The following ARID3C variants were observed in gnomAD, a reference collection of about 807,000 sequenced individuals.
ARID3C encodes AT-rich interactive domain-containing protein 3C.
In ARID3C, 42 loss-of-function variants were observed where a neutral mutation model predicts 37.9. The ratio of observed to expected loss-of-function variants is 1.11; its 90% CI spans 0.87 to 1.43. The LOEUF is 1.43. Among genes scored for constraint, ARID3C ranks in the 40% most tolerant of loss-of-function variants. The pLI is 0.00. For missense variants in ARID3C, 581 were observed against 548.8 expected, an observed-to-expected ratio of 1.06 and a Z score of -0.59; for synonymous variants, 213 against 228.0, an observed-to-expected ratio of 0.93 and a Z score of 0.59.
upstream of ARID3C, among the ~76,000 whole-genome samples, chr9:34,630,155 C>T (rs916926691): frequency 7.2e-5 from 11 of 152,168 alleles, no homozygotes; most frequent in Admixed American, 2.6e-4. Context: ...ACCGGCACTT[C>T]GCCCATGTTC....
At chr9:34,629,046 T>G (rs1224514078), upstream of ARID3C, among the ~76,000 whole-genome samples, 1 of 150,442 alleles carries the variant, frequency 6.6e-6, no homozygotes, top group Non-Finnish European at 1.5e-5. Context: ...CTCTGGCGGC[T>G]GTGCGCTCAC....
upstream of ARID3C, among the ~76,000 whole-genome samples, chr9:34,629,982 C>T (rs138907277): frequency 9.9e-3 from 1,499 of 152,148 alleles, 22 homozygotes; most frequent in African/African-American, 0.033. Flanking sequence ...AGGCTGGTCT[C>T]GAACTCCTGA....
At chr9:34,627,659 T>A in intron 1 of ARID3C, 38 bp downstream of exon 2, 1 of 1,537,488 alleles carries the variant, frequency 6.5e-7, no homozygotes, top group Non-Finnish European at 8.8e-7. Flanking sequence ...AAGAGAGAGA[T>A]AGGGAAGAGG....
At position 34,624,396 on chromosome 9, in the gene ARID3C, C is replaced by A. The variant is rs111573992; in HGVS notation, c.392-349G>T. Among the ~76,000 whole-genome samples the A allele has an allele frequency of 5.3e-4, 80 of 152,350 alleles. 1 individual carries two copies. Among genetic ancestry groups the A allele is most frequent in the African/African-American group, 1.9e-3 (80 of 41,576 alleles). ...ATTTCACCAGTCTGGAGATGTTATTCATCTTTAAATTTTGTCCCCCAACTA... is the reference window on the plus strand; with the variant it reads ...ATTTCACCAGTCTGGAGATGTTATTAATCTTTAAATTTTGTCCCCCAACTA... On this transcript the variant is annotated intron_variant, in intron 2 of 6. Transcript: ENST00000378909.
upstream of ARID3C, among the ~76,000 whole-genome samples, chr9:34,629,227 G>T (rs1206261641): frequency 6.6e-6 from 1 of 152,162 alleles, no homozygotes; most frequent in East Asian, 1.9e-4. Context: ...AGCTGCGGGG[G>T]AATCGTGCGA....
exon 1 of ARID3C, chr9:34,627,845 T>C (rs761685541): frequency 6.2e-7 from 1 of 1,604,696 alleles, no homozygotes; most frequent in South Asian, 1.1e-5. Context: ...CTCATCTTCT[T>C]CAGCATCTTC....
chr9:34,623,491 G>A lies in ARID3C; in HGVS notation c.799C>T (p.Gln267Ter), dbSNP rs757750881. 3 of 1,546,060 alleles carry A rather than the reference G, an allele frequency of 1.9e-6. No individual in the cohort carries two copies. Among genetic ancestry groups the A allele is most frequent in the Non-Finnish European group, 2.6e-6 (3 of 1,150,282 alleles). ...GCTGGCAGGCCGGAGGTGGAACCCT[G>A]GGCTGGGCCAGGGCTGGACTGGGTC... Residue 267 changes from glutamine (Q) to a stop codon, truncating the protein, a stop_gained, in exon 4 of 7, where the codon CAG (glutamine) becomes TAG (stop). Transcript: ENST00000378909. LOFTEE classifies it high-confidence loss of function.
chr9:34,623,901 TG>T lies in ARID3C; in HGVS notation c.537del (p.Thr180ProfsTer15). 6.3e-7 allele frequency: 1 copy of T among 1,597,330 alleles called. No individual in the cohort carries two copies. The highest frequency in any genetic ancestry group is 8.5e-7 in the Non-Finnish European group (1 of 1,176,422). Reference sequence around the variant, plus strand: ...GTGAAGGCGGCCGAGGTGATGGTGGTGGGTAGGCTGAGGCCGCGCGTGACTT... The same window carrying T: ...GTGAAGGCGGCCGAGGTGATGGTGGTGGTAGGCTGAGGCCGCGCGTGACTT... On this transcript the variant is annotated frameshift_variant, in exon 3 of 7. Coordinates refer to ENST00000378909, the Ensembl canonical transcript of ARID3C. LOFTEE classifies it high-confidence loss of function.
intron 1 of ARID3C, among the ~76,000 whole-genome samples, chr9:34,626,714 G>T (rs915159947): frequency 6.6e-6 from 1 of 152,040 alleles, no homozygotes; most frequent in Non-Finnish European, 1.5e-5. Context: ...CAAAAATTGA[G>T]CCCTAAGTCT....
Position 34,625,725 on chromosome 9 carries a change from C to A in ARID3C, c.391+17G>T. ...GGGGGCAATTCCAGGGCCCTTCCCC[C>A]ACATCATGCCACTCACCCCTCTTTT... On this transcript the variant is annotated intron_variant, in intron 2 of 6. Coordinates refer to ENST00000378909, the Ensembl canonical transcript of ARID3C. The A allele has an allele frequency of 6.2e-7, 1 of 1,613,646 alleles. No homozygotes were observed. The highest frequency in any genetic ancestry group is 2.2e-5 in the East Asian group (1 of 44,872).
At position 34,627,802 on chromosome 9, in the gene ARID3C, C is replaced by T. The variant is rs148061924; in HGVS notation, c.213G>A (p.Glu71=). ...CCCCTGGACGGCTCTCCTCAGCTGCCTCCTCCTCTGCCCCGGCTTCCTCCC... is the reference window on the plus strand; with the variant it reads ...CCCCTGGACGGCTCTCCTCAGCTGCTTCCTCCTCTGCCCCGGCTTCCTCCC... The change falls in exon 1 of 7, where the codon GAG becomes GAA. Residue 71 remains glutamate, a synonymous_variant. Coordinates refer to ENST00000378909, the Ensembl canonical transcript of ARID3C. 3.1e-4 allele frequency: 495 copies of T among 1,613,990 alleles called. 1 individual carries two copies. The African/African-American group carries it at 4.7e-3, about 15-fold the overall frequency.
upstream of ARID3C, among the ~76,000 whole-genome samples, chr9:34,629,729 TTTTC>T (rs1357563133): frequency 1.3e-5 from 2 of 152,126 alleles, no homozygotes; most frequent in African/African-American, 4.8e-5. Context: ...ATTATGGAAA[TTTTC>T]TTTTCTTTTC....
chr9:34,621,399 A>AG (rs1820555141), exon 7 of ARID3C: 1 of 1,202,554 alleles, frequency 8.3e-7, no homozygotes. Context: ...GAATCAAAGC[A>AG]GGGGGTCTCC....
rs371458930 is a variant in ARID3C at position 34,624,197 on chromosome 9, CAAG to C, written c.392-153_392-151del. 2,018 of 941,078 alleles carry C rather than the reference CAAG, an allele frequency of 2.1e-3. 55 individuals are homozygous for C. The South Asian group carries it at 0.037, about 17-fold the overall frequency. The allele number at this position is 941,078 out of a possible 1,614,324, so 58.3% of individuals were successfully genotyped here. ...CAGAACCCCAGGGTCTCTGTTTTAGCAAGAAGGACAGGAGGCTAGAACGGGGGG... is the reference window on the plus strand; with the variant it reads ...CAGAACCCCAGGGTCTCTGTTTTAGCAAGGACAGGAGGCTAGAACGGGGGG... On this transcript the variant is annotated intron_variant, in intron 2 of 6. Transcript: ENST00000378909.
exon 5 of ARID3C, chr9:34,622,393 A>C: frequency 6.2e-7 from 1 of 1,613,200 alleles, no homozygotes; most frequent in Non-Finnish European, 8.5e-7. Flanking sequence ...GGGGCATGCA[A>C]GGTCGAGGTG....
intron 1 of ARID3C, among the ~76,000 whole-genome samples, chr9:34,626,819 A>G (rs1820659169): frequency 6.6e-6 from 1 of 152,164 alleles, no homozygotes; most frequent in Non-Finnish European, 1.5e-5. Flanking sequence ...GCCCTGAGTA[A>G]CACTCAGTTT....
chr9:34,629,968 G>A (rs1820708796), upstream of ARID3C, among the ~76,000 whole-genome samples: 2 of 152,080 alleles, frequency 1.3e-5, no homozygotes, highest in African/African-American at 4.8e-5. Flanking sequence ...TCACCATTTT[G>A]GCTAGGCTGG....
chr9:34,632,280 TAGCAGG>T (rs1366478258), upstream of ARID3C, among the ~76,000 whole-genome samples: 2 of 152,192 alleles, frequency 1.3e-5, no homozygotes, highest in African/African-American at 4.8e-5. Context: ...ACGGTCAGAA[TAGCAGG>T]TACAAATATC....
At chr9:34,621,390 A>C in exon 7 of ARID3C, 1 of 1,149,932 alleles carries the variant, frequency 8.7e-7, no homozygotes, top group Non-Finnish European at 1.2e-6. Flanking sequence ...AGCCAGAAAG[A>C]ATCAAAGCAG....
Sources: gnomAD v4.1 joint callset for allele counts (sites outside exome capture counted in the v4.1 genomes callset) on GRCh38, gnomAD v4.1.1 for gene constraint, MANE v1.5 for transcripts, NCBI Gene and HGNC (gene_info 2026-07-23, HGNC 2026-07-21) for gene names.